MYO5B: variants seen among roughly 807,000 people sequenced by gnomAD.
MYO5B encodes myosin VB, also known as unconventional myosin-Vb.
Under a neutral mutation model 229.3 loss-of-function variants are expected in MYO5B, and 143 were observed. That is an observed-to-expected ratio of 0.62 (90% CI 0.54 to 0.72). The LOEUF (loss-of-function observed/expected upper bound fraction) is 0.72, where lower values mean the gene tolerates loss of function less well. MYO5B is among the 30% of genes least tolerant of loss of function. The probability of loss-of-function intolerance (pLI) is 0.00; values close to 1 mark genes in which losing one functional copy is unlikely to be tolerated. For synonymous variants in MYO5B, 918 were observed against 885.2 expected, an observed-to-expected ratio of 1.04 and a Z score of -0.66; for missense variants, 2,321 against 2,331.0, an observed-to-expected ratio of 1.00 and a Z score of 0.09.
intron 27 of MYO5B, among the ~76,000 whole-genome samples, chr18:49,864,592 G>A (rs543017425): frequency 3.3e-5 from 5 of 152,354 alleles, no homozygotes; most frequent in African/African-American, 1.2e-4. Flanking sequence ...TGAAGCACCT[G>A]CACAATGCCT....
chr18:50,138,196 C>T (rs532297757), intron 1 of MYO5B, among the ~76,000 whole-genome samples: 3 of 152,228 alleles, frequency 2.0e-5, no homozygotes, highest in Admixed American at 6.5e-5. Context: ...ACATATACCC[C>T]GAACCTAAAA....
At chr18:49,886,745 CAGA>C (rs1169180348) in intron 22 of MYO5B, among the ~76,000 whole-genome samples, 2 of 152,068 alleles carry the variant, frequency 1.3e-5, no homozygotes, top group Admixed American at 6.5e-5. Flanking sequence ...GGGCAAGGTA[CAGA>C]AGAAGAAGCA....
intron 22 of MYO5B, among the ~76,000 whole-genome samples, chr18:49,887,431 C>G (rs939889747): frequency 6.6e-6 from 1 of 151,890 alleles, no homozygotes; most frequent in Non-Finnish European, 1.5e-5. Context: ...ATTGCCCTAG[C>G]GTGAACTCAG....
intron 22 of MYO5B, among the ~76,000 whole-genome samples, chr18:49,894,638 G>A (rs924556296): frequency 2.0e-5 from 3 of 152,154 alleles, no homozygotes; most frequent in African/African-American, 4.8e-5. Context: ...ACAAGGATGC[G>A]GGCCACAGAG....
intron 2 of MYO5B, among the ~76,000 whole-genome samples, chr18:50,049,985 A>C (rs2030348695): frequency 6.6e-6 from 1 of 152,206 alleles, no homozygotes; most frequent in African/African-American, 2.4e-5. Context: ...ATTTTACCAC[A>C]ATTTTTTTTT....
chr18:49,969,378 T>C (rs1440015946), intron 10 of MYO5B, among the ~76,000 whole-genome samples: 2 of 152,228 alleles, frequency 1.3e-5, no homozygotes, highest in African/African-American at 4.8e-5. Context: ...ACAGTGGGTC[T>C]AAGAAGTTTA....
chr18:49,906,022 C>G (rs2024894719), intron 19 of MYO5B, among the ~76,000 whole-genome samples: 1 of 152,150 alleles, frequency 6.6e-6, no homozygotes, highest in African/African-American at 2.4e-5. Flanking sequence ...GACTCCGAGG[C>G]ATTATGAAAT....
intron 27 of MYO5B, among the ~76,000 whole-genome samples, chr18:49,870,813 G>A (rs2024448057): frequency 6.6e-6 from 1 of 152,184 alleles, no homozygotes; most frequent in Admixed American, 6.5e-5. Flanking sequence ...GCAAGGATGT[G>A]GAGAAACTGG....
chr18:49,980,356 T>A (rs1217883751), intron 9 of MYO5B, 88 bp downstream of exon 9: 2 of 942,952 alleles, frequency 2.1e-6, no homozygotes, highest in South Asian at 2.7e-5. Context: ...CCTATGAGTG[T>A]CCTCTAACTG....
At chr18:49,952,387 C>T (rs1317333059) in intron 14 of MYO5B, among the ~76,000 whole-genome samples, 6 of 144,116 alleles carry the variant, frequency 4.2e-5, no homozygotes, top group East Asian at 4.5e-4. Context: ...AAGCCAGTAA[C>T]GGCATCTGCA....
At chr18:50,062,953 G>A (rs9960013) in intron 1 of MYO5B, among the ~76,000 whole-genome samples, 7,577 of 152,222 alleles carry the variant, frequency 0.05, 212 homozygotes, top group African/African-American at 0.073. Context: ...TGGTGGAAAT[G>A]TCTTCTGCAC....
chr18:50,110,476 C>A (rs2031846139), intron 1 of MYO5B, among the ~76,000 whole-genome samples: 1 of 152,108 alleles, frequency 6.6e-6, no homozygotes, highest in African/African-American at 2.4e-5. Context: ...ACTTGGTTGG[C>A]AAGATTAAGC....
At chr18:49,835,138 G>A (rs2023972418) in intron 39 of MYO5B, among the ~76,000 whole-genome samples, 2 of 152,178 alleles carry the variant, frequency 1.3e-5, no homozygotes, top group Non-Finnish European at 1.5e-5. Context: ...GATGATAAAA[G>A]TTGAGTTTTC....
At chr18:49,989,190 G>C (rs2144307609) in intron 7 of MYO5B, among the ~76,000 whole-genome samples, 1 of 152,294 alleles carries the variant, frequency 6.6e-6, no homozygotes, top group Non-Finnish European at 1.5e-5. Flanking sequence ...TTATTGCTAA[G>C]TTGCATGGTA....
At chr18:49,868,432 A>G (rs911157391) in intron 27 of MYO5B, among the ~76,000 whole-genome samples, 13 of 152,248 alleles carry the variant, frequency 8.5e-5, no homozygotes, top group Admixed American at 7.2e-4. Context: ...TTAAGTGCCA[A>G]GCTGGACTCT....
intron 3 of MYO5B, among the ~76,000 whole-genome samples, chr18:50,039,717 C>T (rs2029948893): frequency 6.6e-6 from 1 of 152,160 alleles, no homozygotes; most frequent in South Asian, 2.1e-4. Context: ...GACAAATACT[C>T]ATTGGGTATT....
intron 1 of MYO5B, among the ~76,000 whole-genome samples, chr18:50,056,601 G>A (rs1231010853): frequency 6.6e-6 from 1 of 152,180 alleles, no homozygotes; most frequent in African/African-American, 2.4e-5. Context: ...ACCAGAACAT[G>A]TGCTTGGGTC....
chr18:50,112,430 G>A (rs1430182350), intron 1 of MYO5B, among the ~76,000 whole-genome samples: 9 of 152,130 alleles, frequency 5.9e-5, no homozygotes, highest in African/African-American at 2.2e-4. Flanking sequence ...AAGAGGCAAA[G>A]GCAAGGCTCC....
At chr18:49,837,488 T>C (rs1334213614) in intron 37 of MYO5B, 29 bp downstream of exon 37, 2 of 1,613,304 alleles carry the variant, frequency 1.2e-6, no homozygotes, top group Admixed American at 1.7e-5. Context: ...CCACTCTATC[T>C]GTGTTGTTGG....
Sources: gnomAD v4.1 joint callset for allele counts (sites outside exome capture counted in the v4.1 genomes callset) on GRCh38, gnomAD v4.1.1 for gene constraint, MANE v1.5 for transcripts, NCBI Gene and HGNC (gene_info 2026-07-23, HGNC 2026-07-21) for gene names.